The following AAGAB variants were observed in gnomAD, a reference collection of about 807,000 sequenced individuals.
AAGAB encodes alpha- and gamma-adaptin-binding protein p34.
AAGAB carries 38 observed loss-of-function variants against 44.1 expected under a neutral mutation model. That is an observed-to-expected ratio of 0.86 (90% CI 0.67 to 1.13). The LOEUF (loss-of-function observed/expected upper bound fraction) is 1.13, where lower values mean the gene tolerates loss of function less well. AAGAB is among the 50% of genes most tolerant of loss of function. The probability of loss-of-function intolerance (pLI) is 0.00; values close to 1 mark genes in which losing one functional copy is unlikely to be tolerated. For missense variants in AAGAB, 450 were observed against 373.8 expected, an observed-to-expected ratio of 1.20 and a Z score of -1.68; for synonymous variants, 131 against 131.8, an observed-to-expected ratio of 0.99 and a Z score of 0.04.
intron 5 of AAGAB, among the ~76,000 whole-genome samples, chr15:67,230,042 C>T (rs142218875): frequency 3.3e-5 from 5 of 151,262 alleles, no homozygotes; most frequent in South Asian, 2.1e-4. Context: ...TTAGCAGAGA[C>T]GGGGTAGCAC....
intron 4 of AAGAB, among the ~76,000 whole-genome samples, chr15:67,233,441 C>T (rs2140375772): frequency 6.6e-6 from 1 of 152,236 alleles, no homozygotes; most frequent in Non-Finnish European, 1.5e-5. Flanking sequence ...AAATGGGGAT[C>T]CTGCAGATGT....
chr15:67,224,759 T>G (rs183129819), intron 5 of AAGAB, among the ~76,000 whole-genome samples: 1 of 152,156 alleles, frequency 6.6e-6, no homozygotes, highest in Admixed American at 6.5e-5. Context: ...TTTTGTATTT[T>G]TTGTAGAGAT....
At chr15:67,238,664 T>C (rs988185916) in intron 1 of AAGAB, among the ~76,000 whole-genome samples, 2 of 151,374 alleles carry the variant, frequency 1.3e-5, no homozygotes, top group East Asian at 1.9e-4. Context: ...AACTTTTTAA[T>C]GGTGAAAGGA....
rs570174329 is a variant in AAGAB at position 67,254,059 on chromosome 15, A to G, written c.73+500T>C. On this transcript the variant is annotated intron_variant, in intron 1 of 9. Transcript: ENST00000261880. ...CCCATGCCTCAGATGAAAGGCGTGA[A>G]TAACTAGAGTGGAGCGGACAAAGCT... 3.1e-4 allele frequency among the ~76,000 whole-genome samples: 47 copies of G among 152,368 alleles called. No homozygotes were observed. The South Asian group carries it at 8.9e-3, about 29-fold the overall frequency.
intron 5 of AAGAB, among the ~76,000 whole-genome samples, chr15:67,222,234 GCGCGCGCGCA>G (rs1480758394): frequency 2.3e-5 from 1 of 43,142 alleles, no homozygotes; most frequent in Non-Finnish European, 4.5e-5. Flanking sequence ...ACGCGCACGC[GCGCGCGCGCA>G]CACACACACA....
intron 7 of AAGAB, among the ~76,000 whole-genome samples, chr15:67,207,073 C>T (rs7165503): frequency 0.45 from 68,531 of 152,022 alleles, 15,914 homozygotes; most frequent in Non-Finnish European, 0.52. Flanking sequence ...GCCTGTAATC[C>T]CAGCCACTCA....
intron 1 of AAGAB, among the ~76,000 whole-genome samples, chr15:67,248,811 T>G (rs757059622): frequency 8.5e-5 from 13 of 152,218 alleles, no homozygotes; most frequent in Non-Finnish European, 1.5e-4. Context: ...TTTTGCAGTT[T>G]CAGAAACCTG....
chr15:67,210,577 A>C (rs1963794761), intron 5 of AAGAB, among the ~76,000 whole-genome samples: 1 of 152,200 alleles, frequency 6.6e-6, no homozygotes, highest in South Asian at 2.1e-4. Flanking sequence ...ATCTACAGTT[A>C]AGACTCCCAG....
chr15:67,235,166 C>T (rs1167086300), intron 4 of AAGAB, among the ~76,000 whole-genome samples: 1 of 152,176 alleles, frequency 6.6e-6, no homozygotes, highest in African/African-American at 2.4e-5. Flanking sequence ...CTAACTTCTT[C>T]CCCATGGAGC....
intron 5 of AAGAB, among the ~76,000 whole-genome samples, chr15:67,216,120 A>G (rs937169673): frequency 2.6e-5 from 4 of 152,112 alleles, no homozygotes; most frequent in African/African-American, 9.7e-5. Context: ...TATTCATTGT[A>G]GAAAATTTGG....
chr15:67,250,456 C>G (rs148118527), intron 1 of AAGAB, among the ~76,000 whole-genome samples: 2 of 152,134 alleles, frequency 1.3e-5, no homozygotes, highest in African/African-American at 4.8e-5. Flanking sequence ...GGATTACAGG[C>G]GTGAGCCACC....
At chr15:67,203,630 T>G in intron 8 of AAGAB, 33 bp from the exon 9 acceptor site, 1 of 1,595,416 alleles carries the variant, frequency 6.3e-7, no homozygotes, top group East Asian at 2.2e-5. Context: ...GAAATTTGTC[T>G]AATAGCACAG....
chr15:67,207,317 AAT>A lies in AAGAB; in HGVS notation c.715+1243_715+1244del, dbSNP rs909077917. Among the ~76,000 whole-genome samples, 144 of 152,340 alleles carry A rather than the reference AAT, an allele frequency of 9.5e-4. 2 individuals carry two copies. The highest frequency in any genetic ancestry group is 3.4e-3 in the African/African-American group (141 of 41,568). On this transcript the variant is annotated intron_variant, in intron 7 of 9. Transcript: ENST00000261880. ...GGCCTCTCAGTGGACAGAACTAGGA[AAT>A]ATATGTGTGTATACTAATACACGCA...
chr15:67,241,183 T>G (rs776972531), intron 1 of AAGAB, among the ~76,000 whole-genome samples: 4 of 152,218 alleles, frequency 2.6e-5, no homozygotes, highest in African/African-American at 9.6e-5. Flanking sequence ...GATACTGTTA[T>G]GGATTTTTTG....
chr15:67,254,743 G>T, upstream of AAGAB: 1 of 1,361,908 alleles, frequency 7.3e-7, no homozygotes, highest in Non-Finnish European at 1.0e-6. Context: ...GAATGACCAG[G>T]CTGGCCTGAC....
rs150652101 is a variant in AAGAB at position 67,217,059 on chromosome 15, C to T, written c.536-7515G>A. Among the ~76,000 whole-genome samples, 104 of 151,572 alleles carry T rather than the reference C, an allele frequency of 6.9e-4. 4 individuals carry two copies. In the East Asian group the frequency reaches 0.012, roughly 18 times the overall value. On this transcript the variant is annotated intron_variant, in intron 5 of 9. Transcript: ENST00000261880. ...CATCAAATTATGCCTTCTATACACA[C>T]ATACACCCACACACACAGATAGAGA...
chr15:67,204,733 T>C (rs1469924814), intron 7 of AAGAB, among the ~76,000 whole-genome samples: 3 of 152,250 alleles, frequency 2.0e-5, no homozygotes, highest in African/African-American at 2.4e-5. Context: ...AATCTTTTAC[T>C]GTTTCTACCT....
intron 5 of AAGAB, chr15:67,220,549 G>C (rs1216838291): frequency 6.6e-6 from 1 of 152,178 alleles, no homozygotes; most frequent in African/African-American, 2.4e-5. Context: ...ACCTGTAAAA[G>C]GAAGAAGCCA....
At chr15:67,255,026 A>T, upstream of AAGAB, 1 of 1,394,108 alleles carries the variant, frequency 7.2e-7, no homozygotes, top group Non-Finnish European at 1.0e-6. Flanking sequence ...CGATTCACCG[A>T]CGCTCACCCA....
Sources: allele counts gnomAD v4.1 joint callset (sites outside exome capture counted in the v4.1 genomes callset), GRCh38; gene constraint gnomAD v4.1.1; transcripts MANE v1.5; gene names NCBI Gene and HGNC (gene_info 2026-07-23, HGNC 2026-07-21).